Variants in LYRM4 observed in about 807,000 individuals in gnomAD.
The protein encoded by LYRM4 is LYR motif-containing protein 4.
A neutral mutation model predicts 11.7 loss-of-function variants in LYRM4; 9 were observed. That is an observed-to-expected ratio of 0.77 (90% CI 0.46 to 1.34). The LOEUF is 1.34. Ranked by LOEUF, LYRM4 falls within the 40% of genes most tolerant of loss-of-function variation. The pLI, the probability that LYRM4 is intolerant of heterozygous loss-of-function variation, is 0.00. For synonymous variants in LYRM4, 42 were observed against 40.4 expected (o/e 1.04, Z -0.15); for missense variants, 133 against 112.5 (o/e 1.18, Z -0.82).
At chr6:5,061,625 G>C in the LYRM4 span, among the ~76,000 whole-genome samples, 1 of 152,178 alleles carries the variant, frequency 6.6e-6, no homozygotes, top group Non-Finnish European at 1.5e-5. Context: ...CTAACTACCT[G>C]CATGGTGCAA....
chr6:5,218,099 G>T, intron 1 of LYRM4: 2 of 346,854 alleles, frequency 5.8e-6, no homozygotes, highest in Non-Finnish European at 8.1e-6. Context: ...GGGGGATGGG[G>T]ACTTGCTGCG....
chr6:5,057,537 T>G, the LYRM4 span, among the ~76,000 whole-genome samples: 1 of 151,510 alleles, frequency 6.6e-6, no homozygotes, highest in African/African-American at 2.4e-5. Flanking sequence ...GCCAAGATGG[T>G]GAAACCCCCA....
intron 2 of LYRM4, among the ~76,000 whole-genome samples, chr6:5,204,438 G>A (rs746193855): frequency 2.6e-5 from 4 of 152,100 alleles, no homozygotes; most frequent in Non-Finnish European, 5.9e-5. Flanking sequence ...AGAATCGAAG[G>A]ACCCCAAACT....
At chr6:5,170,920 T>C (rs1759393088) in intron 2 of LYRM4, among the ~76,000 whole-genome samples, 1 of 152,218 alleles carries the variant, frequency 6.6e-6, no homozygotes. Flanking sequence ...TGGCTCAACA[T>C]ATGATGGTTA....
intron 2 of LYRM4, among the ~76,000 whole-genome samples, chr6:5,193,353 G>T (rs563553736): frequency 6.6e-6 from 1 of 152,036 alleles, no homozygotes; most frequent in African/African-American, 2.4e-5. Flanking sequence ...TATTTCTGAA[G>T]ACCATTTCAA....
rs776644905 is a variant in LYRM4 at position 5,108,815 on chromosome 6, G to A, written c.*608C>T. 3.4e-5 allele frequency: 34 copies of A among 986,022 alleles called. No homozygotes were observed. The highest frequency in any genetic ancestry group is 4.1e-5 in the Non-Finnish European group (34 of 830,186). 61.1% of individuals were successfully genotyped at this position (986,022 alleles called of 1,614,324 possible). A position where few individuals can be genotyped will look rare whatever the true frequency, so the allele number is the denominator to read the frequency against. On this transcript the variant is annotated 3_prime_UTR_variant, in exon 3 of 3. Coordinates refer to ENST00000330636, the MANE Select transcript of LYRM4 (RefSeq NM_020408.6). ...GCTGATCTGCAGTGCTCCATCTCTG[G>A]GTGTGTACCTACACACCCGTCACCT...
rs370668901 is a variant in LYRM4 at position 5,119,667 on chromosome 6, G to C, written c.208-10176C>G. On this transcript the variant is annotated intron_variant, in intron 2 of 2. Transcript: ENST00000330636. ...TAGCTGGACGTGGTGGCCCATGCCT[G>C]TAATCCCAGCTACTGGGAAGCTGAG... 2.6e-5 allele frequency among the ~76,000 whole-genome samples: 4 copies of C among 151,896 alleles called. No individual in the cohort carries two copies. The East Asian group carries it at 8.0e-4, about 30-fold the overall frequency.
chr6:5,085,492 C>A, the LYRM4 span: 5 of 1,534,784 alleles, frequency 3.3e-6, no homozygotes, highest in Non-Finnish European at 4.4e-6. Context: ...CGTCATGGAG[C>A]CCATAGGGGC....
In LYRM4 at chr6:5,260,764, C is replaced by G; in HGVS notation, c.-31G>C. ...AAAGAAAAAAAAATAAACGGGTCCTCTTCGCCGAGGTCCCAAGTACGACCC... is the reference window on the plus strand; with the variant it reads ...AAAGAAAAAAAAATAAACGGGTCCTGTTCGCCGAGGTCCCAAGTACGACCC... On this transcript the variant is annotated 5_prime_UTR_variant, in exon 1 of 3. Transcript: ENST00000330636. 1 of 1,539,080 alleles carries G rather than the reference C, an allele frequency of 6.5e-7. No homozygotes were observed. The highest frequency in any genetic ancestry group is 1.2e-5 in the South Asian group (1 of 84,058).
chr6:5,216,422 A>G (rs1762274613), intron 2 of LYRM4, among the ~76,000 whole-genome samples, 196 bp downstream of exon 2: 1 of 152,190 alleles, frequency 6.6e-6, no homozygotes. Context: ...AATTCCGGAA[A>G]GCTGGTATTT....
intron 2 of LYRM4, chr6:5,136,835 T>G (rs1757124913): frequency 2.0e-6 from 2 of 984,804 alleles, no homozygotes; most frequent in Admixed American, 1.2e-4. Context: ...TCTTAACAGC[T>G]TTATGGAGAT....
At chr6:5,168,594 C>T (rs574013806) in intron 2 of LYRM4, among the ~76,000 whole-genome samples, 1 of 152,080 alleles carries the variant, frequency 6.6e-6, no homozygotes, top group African/African-American at 2.4e-5. Flanking sequence ...GGAGATAAAA[C>T]AAACATGATA....
chr6:5,144,408 C>T (rs965238912), intron 2 of LYRM4: 18 of 814,154 alleles, frequency 2.2e-5, no homozygotes, highest in African/African-American at 1.7e-4. Flanking sequence ...GAGGCTGAGG[C>T]GGGCAGATCA....
chr6:5,187,808 T>C (rs896477701), intron 2 of LYRM4, among the ~76,000 whole-genome samples: 1 of 143,604 alleles, frequency 7.0e-6, no homozygotes, highest in Non-Finnish European at 1.5e-5. Context: ...TATGGAATTA[T>C]GTACAATATA....
intron 2 of LYRM4, among the ~76,000 whole-genome samples, chr6:5,122,212 C>T (rs550743618): frequency 8.5e-5 from 13 of 152,242 alleles, no homozygotes; most frequent in South Asian, 2.1e-4. Flanking sequence ...CACCTTCATC[C>T]GGTGATGACT....
chr6:5,134,586 T>G (rs994414156), intron 2 of LYRM4, among the ~76,000 whole-genome samples: 10 of 152,212 alleles, frequency 6.6e-5, no homozygotes, highest in African/African-American at 2.4e-4. Context: ...CCAAAATAGT[T>G]TAATATGAAA....
chr6:5,208,237 C>T (rs1761809283), intron 2 of LYRM4, among the ~76,000 whole-genome samples: 1 of 152,180 alleles, frequency 6.6e-6, no homozygotes, highest in East Asian at 1.9e-4. Flanking sequence ...TGACTCTTTA[C>T]AGATGTGGTA....
rs76919859 is a variant in LYRM4, at chr6:5,225,655, A to G, written c.87-8917T>C. On this transcript the variant is annotated intron_variant, in intron 1 of 2. Coordinates refer to ENST00000330636, the MANE Select transcript of LYRM4 (RefSeq NM_020408.6). ...GTCTCCAATTGTGCTACCACAAACA[A>G]TGCTGTAATCAGCATTCTTGCTTAC... Among the ~76,000 whole-genome samples the G allele has an allele frequency of 3.4e-3, 523 of 152,350 alleles. 17 individuals are homozygous for G. The East Asian group carries it at 0.082, about 24-fold the overall frequency.
chr6:5,085,965 G>A, the LYRM4 span: 46 of 1,527,478 alleles, frequency 3.0e-5, no homozygotes, highest in East Asian at 7.3e-4. Flanking sequence ...CGCCCGCCGT[G>A]CTCTCGCGCC....
Sources: allele counts gnomAD v4.1 joint callset (sites outside exome capture counted in the v4.1 genomes callset), GRCh38; gene constraint gnomAD v4.1.1; transcripts MANE v1.5; gene names NCBI Gene and HGNC (gene_info 2026-07-23, HGNC 2026-07-21).